UBR4: variants seen among roughly 807,000 people sequenced by gnomAD.
UBR4 encodes ubiquitin protein ligase E3 component n-recognin 4.
A neutral mutation model predicts 575.6 loss-of-function variants in UBR4; 124 were observed. The observed-to-expected ratio is 0.22, with a 90% CI of 0.19 to 0.25. The LOEUF is 0.25. Ranked by LOEUF, UBR4 falls within the 10% of genes least tolerant of loss-of-function variation. UBR4 has a pLI of 1.00. For missense variants in UBR4, 4,818 were observed against 6,478.8 expected, an observed-to-expected ratio of 0.74 and a Z score of 8.80; for synonymous variants, 2,455 against 2,473.7, an observed-to-expected ratio of 0.99 and a Z score of 0.22.
chr1:19,190,312 A>AAAATATAT, intron 11 of UBR4, among the ~76,000 whole-genome samples: 5 of 79,870 alleles, frequency 6.3e-5, no homozygotes, highest in African/African-American at 1.6e-4. Context: ...AAAAAAAAAA[A>AAAATATAT]ATATATATAT....
intron 1 of UBR4, among the ~76,000 whole-genome samples, chr1:19,203,132 T>C (rs1236304504): frequency 6.6e-6 from 1 of 151,748 alleles, no homozygotes; most frequent in Admixed American, 6.6e-5. Context: ...TAAAATATAT[T>C]TTATTAAATG....
At chr1:19,198,987 T>G in intron 3 of UBR4, 59 bp from the exon 4 acceptor site, 2 of 1,569,860 alleles carry the variant, frequency 1.3e-6, no homozygotes, top group Non-Finnish European at 1.7e-6. Flanking sequence ...TTTCAGAAAA[T>G]TCTACTCTTT....
rs199842567 is a variant in UBR4 at position 19,122,936 on chromosome 1, C to T, written c.9713G>A (p.Arg3238His). Residue 3238 changes from arginine to histidine, a missense_variant, in exon 66 of 106, where the codon CGT becomes CAT. Physicochemically the swap from Arg to His is conservative, Grantham distance 29. Coordinates refer to ENST00000375254, the MANE Select transcript of UBR4 (RefSeq NM_020765.3). ...RDLHTLDSHV[R>H]GIKKLLEEQG... is the part of the protein sequence containing the mutation. ...CTCTTCTAGCAGCTTCTTGATCCCA[C>T]GCACGTGAGAGTCCAGGGTGTGCAA... 3.0e-5 allele frequency: 49 copies of T among 1,614,094 alleles called. No individual in the cohort carries two copies. Among genetic ancestry groups the T allele is most frequent in the Non-Finnish European group, 4.1e-5 (48 of 1,180,044 alleles).
chr1:19,193,331 G>A, intron 9 of UBR4, 102 bp downstream of exon 9: 1 of 1,497,294 alleles, frequency 6.7e-7, no homozygotes, highest in Non-Finnish European at 9.0e-7. Context: ...GTAGTGTGGA[G>A]AATACTCTAA....
intron 1 of UBR4, among the ~76,000 whole-genome samples, chr1:19,203,036 G>A (rs146965490): frequency 0.016 from 2,438 of 152,038 alleles, 74 homozygotes; most frequent in African/African-American, 0.055. Flanking sequence ...AGCCGAGATC[G>A]GGCCACTGCA....
At chr1:19,105,607 G>A (rs1244753954) in intron 84 of UBR4, 126 bp downstream of exon 84, 2 of 726,214 alleles carry the variant, frequency 2.8e-6, no homozygotes, top group East Asian at 5.9e-5. Flanking sequence ...TTAACACTTT[G>A]TTGTTTCTGG....
At position 19,115,671 on chromosome 1, in the gene UBR4, T is replaced by C; in HGVS notation, c.10824-34A>G. ...GACAGACAGCCTTGAGATTTTCTCA[T>C]CTAACCCTCAGTGATAACAGTCTGA... is the stretch of plus-strand genomic sequence containing the variant. On this transcript the variant is annotated intron_variant, in intron 73 of 105. Coordinates refer to ENST00000375254, the MANE Select transcript of UBR4 (RefSeq NM_020765.3). The C allele has an allele frequency of 5.0e-6, 8 of 1,611,012 alleles. 1 individual carries two copies. In the South Asian group the frequency reaches 8.8e-5, roughly 18 times the overall value.
At chr1:19,165,419 C>T in intron 30 of UBR4, 70 bp from the exon 31 acceptor site, 1 of 1,362,354 alleles carries the variant, frequency 7.3e-7, no homozygotes. Flanking sequence ...ATCCTTTCTT[C>T]ACAATCTCAT....
intron 76 of UBR4, 47 bp downstream of exon 76, chr1:19,113,898 T>C: frequency 6.2e-7 from 1 of 1,614,176 alleles, no homozygotes; most frequent in South Asian, 1.1e-5. Context: ...AGTCTTCTGA[T>C]CAAGACCCAA....
Position 19,120,176 on chromosome 1 carries a change from C to G in UBR4, c.10310+4G>C. The G allele has an allele frequency of 6.2e-7, 1 of 1,613,844 alleles. No individual in the cohort carries two copies. Among genetic ancestry groups the G allele is most frequent in the Middle Eastern group, 1.7e-4 (1 of 6,060 alleles). On this transcript the variant is annotated splice_donor_region_variant and intron_variant, in intron 69 of 105. Coordinates refer to ENST00000375254, the MANE Select transcript of UBR4 (RefSeq NM_020765.3). Reference sequence around the variant, plus strand: ...AGATCTGTCAAACCAAGCCCTGGCCCTACCTGTAGATGTGCAGTGTCAGAC... The same window carrying G: ...AGATCTGTCAAACCAAGCCCTGGCCGTACCTGTAGATGTGCAGTGTCAGAC...
Position 19,173,107 on chromosome 1 carries a change from C to G in UBR4, c.3292-14G>C. The G allele has an allele frequency of 1.9e-6, 3 of 1,613,638 alleles. No individual in the cohort carries two copies. The highest frequency in any genetic ancestry group is 2.5e-6 in the Non-Finnish European group (3 of 1,179,566). On this transcript the variant is annotated splice_polypyrimidine_tract_variant and intron_variant, in intron 24 of 105. Transcript: ENST00000375254. ...GAAGGATGAGATCTTTAAAAATATG[C>G]AAAATATAATTAGCTGTGGCAATGG...
At chr1:19,104,551 G>A in intron 86 of UBR4, 34 bp downstream of exon 86, 1 of 1,610,168 alleles carries the variant, frequency 6.2e-7, no homozygotes, top group Non-Finnish European at 8.5e-7. Context: ...ACAGATTCAG[G>A]ATGCCCTAAA....
chr1:19,121,114 AC>A, intron 68 of UBR4, 74 bp downstream of exon 68: 1 of 1,547,596 alleles, frequency 6.5e-7, no homozygotes, highest in African/African-American at 1.4e-5. Flanking sequence ...ACCTTTTACA[AC>A]AGGACAAACC....
chr1:19,092,731 T>G, intron 97 of UBR4, 88 bp downstream of exon 97: 1 of 1,072,636 alleles, frequency 9.3e-7, no homozygotes, highest in Non-Finnish European at 1.3e-6. Context: ...AGAAGTCTCA[T>G]ATATTAGGGT....
intron 25 of UBR4, 86 bp downstream of exon 25, chr1:19,172,778 G>A (rs2089760364): frequency 1.4e-6 from 2 of 1,395,720 alleles, no homozygotes; most frequent in Non-Finnish European, 2.0e-6. Flanking sequence ...GCTGAAGAAA[G>A]AGAAAAATGT....
rs1310090683 is a variant in UBR4 at position 19,155,329 on chromosome 1, C to T, written c.6300+112G>A. 36 of 1,173,984 alleles carry T rather than the reference C, an allele frequency of 3.1e-5. 1 individual carries two copies. The East Asian group carries it at 8.3e-4, about 27-fold the overall frequency. The allele number at this position is 1,173,984 out of a possible 1,614,324, so 72.7% of individuals were successfully genotyped here. ...AAACAAAGAAAAAGAAAAAAAGATCCAGTTAGATGAAGTCCACAGAAAAAT... is the reference window on the plus strand; with the variant it reads ...AAACAAAGAAAAAGAAAAAAAGATCTAGTTAGATGAAGTCCACAGAAAAAT... On this transcript the variant is annotated intron_variant, in intron 43 of 105. Transcript: ENST00000375254.
intron 92 of UBR4, 54 bp downstream of exon 92, chr1:19,096,461 TCCACAGGG>T (rs1166548843): frequency 1.3e-6 from 2 of 1,573,424 alleles, no homozygotes; most frequent in Non-Finnish European, 1.7e-6. Flanking sequence ...ATAGCTTCTT[TCCACAGGG>T]GCCTCTCCCA....
At chr1:19,094,405 G>A (rs1423784338) in intron 94 of UBR4, among the ~76,000 whole-genome samples, 1 of 152,168 alleles carries the variant, frequency 6.6e-6, no homozygotes, top group Non-Finnish European at 1.5e-5. Context: ...AAGAATGCAG[G>A]CTGCTGGACA....
At chr1:19,151,565 T>C in intron 48 of UBR4, 78 bp downstream of exon 48, 1 of 1,472,368 alleles carries the variant, frequency 6.8e-7, no homozygotes, top group Non-Finnish European at 9.5e-7. Flanking sequence ...CCCAGAATGT[T>C]GGACAGCCAC....
Sources: allele counts gnomAD v4.1 joint callset (sites outside exome capture counted in the v4.1 genomes callset), GRCh38; gene constraint gnomAD v4.1.1; transcripts MANE v1.5; gene names NCBI Gene and HGNC (gene_info 2026-07-23, HGNC 2026-07-21).